ZNF318: variants seen among roughly 807,000 people sequenced by gnomAD.
ZNF318 encodes zinc finger protein 318.
A neutral mutation model predicts 124.2 loss-of-function variants in ZNF318; 51 were observed. The observed-to-expected ratio is 0.41, with a 90% CI of 0.33 to 0.52. ZNF318 has a LOEUF of 0.52. Ranked by LOEUF, ZNF318 falls within the 20% of genes least tolerant of loss-of-function variation. The probability of loss-of-function intolerance (pLI) is 0.23; values close to 1 mark genes in which losing one functional copy is unlikely to be tolerated. For synonymous variants in ZNF318, 1,090 were observed against 1,040.7 expected (o/e 1.05, Z -0.91); for missense variants, 2,815 against 2,811.2 (o/e 1.00, Z -0.03).
chr6:43,356,773 AAG>A (rs1232600870), intron 3 of ZNF318, among the ~76,000 whole-genome samples: 1 of 152,104 alleles, frequency 6.6e-6, no homozygotes, highest in Non-Finnish European at 1.5e-5. Context: ...CTTCTCTCTA[AAG>A]AGAGATGAGA....
rs906733156 is a variant in ZNF318, at chr6:43,336,607, C to T, written c.*551G>A. On this transcript the variant is annotated 3_prime_UTR_variant, in exon 10 of 10. Transcript: ENST00000361428. ...AAACAGTAAACAAAAGAGCTACTCACGCTGCATTTCAAACAATGTTAAGGC... is the reference window on the plus strand; with the variant it reads ...AAACAGTAAACAAAAGAGCTACTCATGCTGCATTTCAAACAATGTTAAGGC... 2.6e-4 allele frequency: 40 copies of T among 152,378 alleles called. No homozygotes were observed. Among genetic ancestry groups the T allele is most frequent in the Admixed American group, 2.6e-3 (40 of 15,278 alleles). The allele number at this position is 152,378 out of a possible 1,614,324, so 9.4% of individuals were successfully genotyped here.
rs1779283879 is a variant in ZNF318, at chr6:43,336,652, C to A, written c.*506G>T. ...TAAGGCAGGCCCATCCAAATGGAAG[C>A]CTAAGAGATGAACAATTCTTCCAAG... On this transcript the variant is annotated 3_prime_UTR_variant, in exon 10 of 10. Coordinates refer to ENST00000361428, the MANE Select transcript of ZNF318 (RefSeq NM_014345.3). The A allele has an allele frequency of 1.3e-5, 2 of 152,530 alleles. No homozygotes were observed. Among genetic ancestry groups the A allele is most frequent in the African/African-American group, 4.8e-5 (2 of 41,434 alleles). 9.4% of individuals were successfully genotyped at this position (152,530 alleles called of 1,614,324 possible).
chr6:43,342,676 C>T lies in ZNF318; in HGVS notation c.3276G>A (p.Gln1092=). The change falls in exon 7 of 10, where the codon CAG becomes CAA. Residue 1092 remains glutamine (Q), a splice_region_variant and synonymous_variant. Coordinates refer to ENST00000361428, the MANE Select transcript of ZNF318 (RefSeq NM_014345.3). ...AAATAACAGAGAGTAGGATACCAAC[C>T]TGTGTGTGCTTCTTATTGTGCATAT... ...FTHMHNKKHT[Q]TLDPYNRPWA... is the part of the protein sequence containing the mutation. The T allele has an allele frequency of 6.2e-7, 1 of 1,614,012 alleles. No homozygotes were observed. Among genetic ancestry groups the T allele is most frequent in the Non-Finnish European group, 8.5e-7 (1 of 1,179,946 alleles).
At chr6:43,364,222 T>G (rs905654729) in intron 2 of ZNF318, 5 of 675,396 alleles carry the variant, frequency 7.4e-6, no homozygotes, top group Non-Finnish European at 1.3e-5. Flanking sequence ...AGGAATTCAC[T>G]GACCACCTCA....
rs1779351476 is a variant in ZNF318 at position 43,340,117 on chromosome 6, C to T, written c.3881G>A (p.Ser1294Asn). 12 of 1,614,064 alleles carry T rather than the reference C, an allele frequency of 7.4e-6. No individual in the cohort carries two copies. In the East Asian group the frequency reaches 2.7e-4, roughly 36 times the overall value. Reference protein sequence around the residue: ...EEEKSSLVTPSISKEEILESS... With the variant: ...EEEKSSLVTPNISKEEILESS... ...TTCTAGAATCTCTTCTTTAGAGATACTTGGGGTCACCAATGAACTTTTCTC... is the reference window on the plus strand; with the variant it reads ...TTCTAGAATCTCTTCTTTAGAGATATTTGGGGTCACCAATGAACTTTTCTC... The change falls in exon 10 of 10, where the codon AGT becomes AAT. Residue 1294 changes from serine (S) to asparagine (N), a missense_variant. Transcript: ENST00000361428.
chr6:43,362,769 G>T, intron 2 of ZNF318, among the ~76,000 whole-genome samples: 1 of 152,064 alleles, frequency 6.6e-6, no homozygotes, highest in African/African-American at 2.4e-5. Context: ...CTCCCAAAGT[G>T]CTGGGATTAC....
intron 5 of ZNF318, among the ~76,000 whole-genome samples, chr6:43,350,331 C>A (rs7757879): frequency 1.3e-5 from 2 of 152,098 alleles, no homozygotes; most frequent in Non-Finnish European, 2.9e-5. Flanking sequence ...AGCTAACTCA[C>A]AGGGGGTCCC....
chr6:43,352,544 GA>G, intron 4 of ZNF318, 68 bp from the exon 5 acceptor site: 3 of 1,419,808 alleles, frequency 2.1e-6, no homozygotes, highest in Non-Finnish European at 3.0e-6. Flanking sequence ...CTCTCTTCCA[GA>G]AGCCTTCTTC....
rs773951166 is a variant in ZNF318 at position 43,365,300 on chromosome 6, G to T, written c.540C>A (p.Asp180Glu). 1 of 1,614,008 alleles carries T rather than the reference G, an allele frequency of 6.2e-7. No individual in the cohort carries two copies. The highest frequency in any genetic ancestry group is 8.5e-7 in the Non-Finnish European group (1 of 1,179,906). The change falls in exon 2 of 10, where the codon GAC becomes GAA. Residue 180 changes from aspartate (D) to glutamate (E), a missense_variant. By Grantham distance (45) the Asp-to-Glu change is conservative (BLOSUM62 2). Transcript: ENST00000361428. Reference sequence around the variant, plus strand: ...CCTTAGGTGATGCCTACCTGTCCATGTCTTCCAGATTATCCACTGGTGACC... The same window carrying T: ...CCTTAGGTGATGCCTACCTGTCCATTTCTTCCAGATTATCCACTGGTGACC... ...RLGSPVDNLEDMDRDDLTDDS... is the reference protein window; with the variant it reads ...RLGSPVDNLEEMDRDDLTDDS...
rs1779722009 is a variant in ZNF318, at chr6:43,363,880, A to G, written c.548+1412T>C. ...GGCCACTGCCACCTGCGGGGCCATC[A>G]TCCTGGCCAAGCTCTCCATTCTCCC... On this transcript the variant is annotated intron_variant, in intron 2 of 9. Coordinates refer to ENST00000361428, the MANE Select transcript of ZNF318 (RefSeq NM_014345.3). The G allele has an allele frequency of 5.6e-6, 4 of 716,128 alleles. No homozygotes were observed. The East Asian group carries it at 1.0e-4, about 19-fold the overall frequency. 44.4% of individuals were successfully genotyped at this position (716,128 alleles called of 1,614,324 possible).
chr6:43,367,409 A>C (rs1027721727), intron 1 of ZNF318, among the ~76,000 whole-genome samples: 1 of 152,222 alleles, frequency 6.6e-6, no homozygotes, highest in Non-Finnish European at 1.5e-5. Flanking sequence ...TAACCTCCAG[A>C]ACAAACTGGA....
Position 43,368,988 on chromosome 6 carries a change from A to G in ZNF318, c.378T>C (p.His126=). ...TTACCCGGCTGCCGCTGTCGCCTGG[A>G]TGGTCTCCGCGGCCGTCCCGGGCAT... ...ADYARDGRGD[H]PGDSGSRRRS... Residue 126 remains histidine (H), a synonymous_variant, in exon 1 of 10, where the codon CAT becomes CAC. Transcript: ENST00000361428. 1 of 1,434,590 alleles carries G rather than the reference A, an allele frequency of 7.0e-7. No homozygotes were observed. The highest frequency in any genetic ancestry group is 9.2e-7 in the Non-Finnish European group (1 of 1,091,710). The allele number at this position is 1,434,590 out of a possible 1,614,324, so 88.9% of individuals were successfully genotyped here.
In ZNF318 at chr6:43,338,726, C is replaced by G; in HGVS notation, c.5272G>C (p.Asp1758His). ...TTACGGAGCTCTTGGCTTTCCTTAT[C>G]CTGGTTAACAGATTCTCTGAGGTGG... ...EIHLRESVNQDKESQELRKSE... is the reference protein window; with the variant it reads ...EIHLRESVNQHKESQELRKSE... Residue 1758 changes from aspartate to histidine, a missense_variant, in exon 10 of 10, where the codon GAT (aspartate) becomes CAT (histidine). Physicochemically the swap from Asp to His is moderately conservative, Grantham distance 81. Coordinates refer to ENST00000361428, the MANE Select transcript of ZNF318 (RefSeq NM_014345.3). 1 of 1,614,130 alleles carries G rather than the reference C, an allele frequency of 6.2e-7. No homozygotes were observed. The highest frequency in any genetic ancestry group is 8.5e-7 in the Non-Finnish European group (1 of 1,180,034).
rs1255831668 is a variant in ZNF318, at chr6:43,338,650, T to C, written c.5348A>G (p.Glu1783Gly). ...CCCCTCAGACAGCTCCTTTACCCTT[T>C]CTTTTAGTTCAGTGTTTGTCTCTAT... is the stretch of plus-strand genomic sequence containing the variant. ...SEIETNTELKERVKELSEGIV... is the reference protein window; with the variant it reads ...SEIETNTELKGRVKELSEGIV... The change falls in exon 10 of 10, where the codon GAA becomes GGA. Residue 1783 changes from glutamate (E) to glycine (G), a missense_variant. Around this residue, in one of 4 missense-constraint regions of ZNF318, gnomAD observed 927 missense variants for 820.6 expected, o/e 1.13. Transcript: ENST00000361428. The C allele has an allele frequency of 6.2e-7, 1 of 1,614,156 alleles. No individual in the cohort carries two copies. Among genetic ancestry groups the C allele is most frequent in the Admixed American group, 1.7e-5 (1 of 60,026 alleles).
Position 43,355,098 on chromosome 6 carries a change from G to T in ZNF318, c.2236C>A (p.Pro746Thr), listed in dbSNP as rs1187640085. The T allele has an allele frequency of 6.2e-7, 1 of 1,614,078 alleles. No individual in the cohort carries two copies. The highest frequency in any genetic ancestry group is 1.3e-5 in the African/African-American group (1 of 74,918). ...VAVRCMLPSAPSAPIRLPHTA... is the reference protein window; with the variant it reads ...VAVRCMLPSATSAPIRLPHTA... ...TGTGGAAGTCTAATTGGGGCAGATG[G>T]GGCTGATGGCAACATGCACCTGACT... Residue 746 changes from proline (P) to threonine (T), a missense_variant, in exon 4 of 10, where the codon CCA (proline) becomes ACA (threonine). Physicochemically the swap from Pro to Thr is conservative, Grantham distance 38. This residue lies in a region of ZNF318 where 1,377 missense variants were observed against 1,353.5 expected (regional missense o/e 1.02). Coordinates refer to ENST00000361428, the MANE Select transcript of ZNF318 (RefSeq NM_014345.3).
chr6:43,363,419 T>C (rs1779711102), intron 2 of ZNF318: 1 of 169,142 alleles, frequency 5.9e-6, no homozygotes, highest in Non-Finnish European at 1.3e-5. Flanking sequence ...GCCTTGCTTC[T>C]TCTCTGAGAA....
In ZNF318 at chr6:43,369,115, C is replaced by G. The variant is rs188438053; in HGVS notation, c.251G>C (p.Arg84Pro). ...TGGCGACGGGGAGCCGCGACGGGCC[C>G]GAGGCGGGGACGGGGAGACGCGACG... Reference protein sequence around the residue: ...RGRRVSPSPPRARRGSPSPPR... With the variant: ...RGRRVSPSPPPARRGSPSPPR... The change falls in exon 1 of 10, where the codon CGG (arginine) becomes CCG (proline). Residue 84 changes from arginine (R) to proline (P), a missense_variant. Arg to Pro is a moderately radical substitution (Grantham distance 103). Coordinates refer to ENST00000361428, the MANE Select transcript of ZNF318 (RefSeq NM_014345.3). 32,087 of 1,243,844 alleles carry G rather than the reference C, an allele frequency of 0.026. 483 individuals are homozygous for G. Among genetic ancestry groups the G allele is most frequent in the Non-Finnish European group, 0.03 (29,544 of 994,428 alleles). 77.1% of individuals were successfully genotyped at this position (1,243,844 alleles called of 1,614,324 possible).
chr6:43,336,670 C>G lies in ZNF318; in HGVS notation c.*488G>C, dbSNP rs755843329. The G allele has an allele frequency of 1.3e-5, 2 of 152,610 alleles. No individual in the cohort carries two copies. The highest frequency in any genetic ancestry group is 6.5e-5 in the Admixed American group (1 of 15,272). The allele number at this position is 152,610 out of a possible 1,614,324, so 9.5% of individuals were successfully genotyped here. A position where few individuals can be genotyped will look rare whatever the true frequency, so the allele number is the denominator to read the frequency against. On this transcript the variant is annotated 3_prime_UTR_variant, in exon 10 of 10. Transcript: ENST00000361428. ...ATGGAAGCCTAAGAGATGAACAATT[C>G]TTCCAAGTTTTCCATTTCAGCAAGC...
At chr6:43,343,827 C>CAAAAAAAAAAAAAAAAAAAAAAAA (rs10560070) in intron 6 of ZNF318, among the ~76,000 whole-genome samples, 2 of 101,914 alleles carry the variant, frequency 2.0e-5, no homozygotes. Context: ...GACCCTGTCT[C>CAAAAAAAAAAAAAAAAAAAAAAAA]AAAAAAAAAA....
Sources: allele counts gnomAD v4.1 joint callset (sites outside exome capture counted in the v4.1 genomes callset), GRCh38; gene constraint gnomAD v4.1.1; regional missense constraint gnomAD v4.1.1; transcripts MANE v1.5; gene names NCBI Gene and HGNC (gene_info 2026-07-23, HGNC 2026-07-21).